The following SLC13A2 variants were observed in gnomAD, a reference collection of about 807,000 sequenced individuals.
SLC13A2 encodes Na(+)-coupled citrate transporter.
SLC13A2 carries 40 observed loss-of-function variants against 58.5 expected under a neutral mutation model. The ratio of observed to expected loss-of-function variants is 0.68; its 90% CI spans 0.53 to 0.89. SLC13A2 has a LOEUF of 0.89. Ranked by LOEUF, SLC13A2 falls within the 40% of genes least tolerant of loss-of-function variation. SLC13A2 has a pLI of 0.00. For missense variants in SLC13A2, 694 were observed against 772.6 expected (o/e 0.90, Z 1.21); for synonymous variants, 341 against 331.6 (o/e 1.03, Z -0.31).
At chr17:28,490,931 G>A in intron 4 of SLC13A2, 25 bp downstream of exon 4, 1 of 1,584,824 alleles carries the variant, frequency 6.3e-7, no homozygotes, top group Non-Finnish European at 8.6e-7. Flanking sequence ...GCTAGACTCT[G>A]CCCCAACCCC....
intron 1 of SLC13A2, among the ~76,000 whole-genome samples, chr17:28,474,308 AG>A (rs1320680620): frequency 6.6e-6 from 1 of 152,024 alleles, no homozygotes; most frequent in African/African-American, 2.4e-5. Context: ...TGTGGATTCA[AG>A]GGCTAAGTCT....
chr17:28,474,952 C>T (rs2068645624), intron 1 of SLC13A2, among the ~76,000 whole-genome samples: 1 of 152,190 alleles, frequency 6.6e-6, no homozygotes, highest in African/African-American at 2.4e-5. Flanking sequence ...GGGTGAGAGA[C>T]TGGGGGTGAT....
intron 10 of SLC13A2, 80 bp downstream of exon 10, chr17:28,495,896 A>G: frequency 2.7e-6 from 4 of 1,488,426 alleles, no homozygotes; most frequent in Non-Finnish European, 3.7e-6. Context: ...TGGGCAGAGT[A>G]TCCTGTCTTT....
At chr17:28,475,739 T>C (rs1183595403) in intron 1 of SLC13A2, among the ~76,000 whole-genome samples, 2 of 152,310 alleles carry the variant, frequency 1.3e-5, no homozygotes, top group South Asian at 2.1e-4. Flanking sequence ...TGCCGTGCTG[T>C]CTTCTCTTGG....
intron 6 of SLC13A2, 44 bp downstream of exon 6, chr17:28,491,896 A>G (rs2069035303): frequency 6.3e-7 from 1 of 1,591,368 alleles, no homozygotes; most frequent in Non-Finnish European, 8.6e-7. Flanking sequence ...CCCTGCCCTT[A>G]GCCCTGGGAG....
chr17:28,493,010 T>A (rs2069059182), intron 6 of SLC13A2, among the ~76,000 whole-genome samples: 2 of 151,830 alleles, frequency 1.3e-5, no homozygotes, highest in African/African-American at 4.8e-5. Context: ...CACAGGGGAG[T>A]CAAAGATGTG....
intron 1 of SLC13A2, among the ~76,000 whole-genome samples, chr17:28,480,662 G>C (rs1555600917): frequency 1.3e-5 from 2 of 152,144 alleles, no homozygotes; most frequent in African/African-American, 4.8e-5. Context: ...CATATACGTA[G>C]AGTACCTGGC....
chr17:28,477,186 GTTTTTTGTTTTT>G (rs1211753210), intron 1 of SLC13A2, among the ~76,000 whole-genome samples: 1 of 119,428 alleles, frequency 8.4e-6, no homozygotes, highest in Non-Finnish European at 1.7e-5. Flanking sequence ...AAACACCCAA[GTTTTTTGTTTTT>G]TTTTTTTTTT....
At chr17:28,476,092 A>G (rs1436236529) in intron 1 of SLC13A2, among the ~76,000 whole-genome samples, 3 of 152,092 alleles carry the variant, frequency 2.0e-5, no homozygotes, top group African/African-American at 7.2e-5. Context: ...AAATGCTTCA[A>G]CCATCTACCT....
Position 28,496,520 on chromosome 17 carries a change from T to G in SLC13A2, c.1541T>G (p.Met514Arg), listed in dbSNP as rs2069146801. 1 of 1,613,706 alleles carries G rather than the reference T, an allele frequency of 6.2e-7. No individual in the cohort carries two copies. Among genetic ancestry groups the G allele is most frequent in the South Asian group, 1.1e-5 (1 of 90,982 alleles). Reference protein sequence around the residue: ...PCTLATSLAFMLPVATPPNAI... With the variant: ...PCTLATSLAFRLPVATPPNAI... ...ACTCTGGCCACCTCCCTGGCCTTCA[T>G]GTTGCCTGTGGCCACCCCGCCCAAT... Residue 514 changes from methionine to arginine, a missense_variant, in exon 11 of 12, where the codon ATG becomes AGG. Met to Arg is a moderately conservative substitution (Grantham distance 91). Transcript: ENST00000314669. This position sits in a 1 kb window ranked among gnomAD's most constrained non-coding sequence, Gnocchi z 4.2.
Position 28,497,423 on chromosome 17 carries a change from G to T in SLC13A2, c.*154G>T, listed in dbSNP as rs1451322242. 3 of 790,164 alleles carry T rather than the reference G, an allele frequency of 3.8e-6. No homozygotes were observed. Among genetic ancestry groups the T allele is most frequent in the Admixed American group, 2.8e-5 (1 of 35,172 alleles). The allele number at this position is 790,164 out of a possible 1,614,324, so 48.9% of individuals were successfully genotyped here. A position where few individuals can be genotyped will look rare whatever the true frequency, so the allele number is the denominator to read the frequency against. The stretch of plus-strand genomic sequence containing the variant: ...TCTCTTGCGTGTCTGTAAGGAAGGG[G>T]TGTATGCTCAGTTTCCTATGTGCTG... On this transcript the variant is annotated 3_prime_UTR_variant, in exon 12 of 12. Transcript: ENST00000314669.
intron 1 of SLC13A2, 136 bp from the exon 2 acceptor site, chr17:28,489,078 G>A: frequency 1.0e-6 from 1 of 987,260 alleles, no homozygotes; most frequent in Non-Finnish European, 1.5e-6. Flanking sequence ...CCTTGGGCTT[G>A]GGAATCAATG....
Position 28,477,463 on chromosome 17 carries a change from G to A in SLC13A2, c.102+3649G>A, listed in dbSNP as rs182728487. Among the ~76,000 whole-genome samples the A allele has an allele frequency of 2.5e-3, 379 of 151,848 alleles. 2 individuals are homozygous for A. The highest frequency in any genetic ancestry group is 8.7e-3 in the African/African-American group (362 of 41,528). ...CCCGCCTTGGCCTCCCAAAGTGCTG[G>A]GATTACAGGCGTGAGCCACCATGCC... On this transcript the variant is annotated intron_variant, in intron 1 of 11. Transcript: ENST00000314669.
chr17:28,490,269 G>T, intron 2 of SLC13A2, 185 bp from the exon 3 acceptor site: 1 of 1,532,580 alleles, frequency 6.5e-7, no homozygotes, highest in Admixed American at 2.0e-5. Flanking sequence ...GCCAGACCCT[G>T]TCTCCAAAAA....
intron 1 of SLC13A2, 65 bp from the exon 2 acceptor site, chr17:28,489,149 A>T: frequency 6.4e-7 from 1 of 1,574,378 alleles, no homozygotes; most frequent in African/African-American, 1.3e-5. Flanking sequence ...TCTGACAGAC[A>T]GGAGGTGGCA....
chr17:28,489,174 A>G, intron 1 of SLC13A2, 40 bp from the exon 2 acceptor site: 1 of 1,606,066 alleles, frequency 6.2e-7, no homozygotes, highest in Non-Finnish European at 8.5e-7. Context: ...TCTGGGACAC[A>G]GGCCCTCTGA....
chr17:28,497,050 G>A, intron 11 of SLC13A2, 49 bp from the exon 12 acceptor site: 3 of 1,583,526 alleles, frequency 1.9e-6, no homozygotes, highest in Non-Finnish European at 2.6e-6. Context: ...GGACTTGGGG[G>A]CAGTCCAGCC....
intron 9 of SLC13A2, 123 bp from the exon 10 acceptor site, chr17:28,495,532 G>A: frequency 1.0e-6 from 1 of 961,268 alleles, no homozygotes; most frequent in South Asian, 1.6e-5. Flanking sequence ...TCCCTTTAGA[G>A]CTGTCTTTGA....
intron 9 of SLC13A2, among the ~76,000 whole-genome samples, chr17:28,495,193 G>A (rs1220861029): frequency 6.6e-6 from 1 of 152,160 alleles, no homozygotes; most frequent in Non-Finnish European, 1.5e-5. Flanking sequence ...CTGACCCTGT[G>A]GACTGTCCCT....
Sources: gnomAD v4.1 joint callset for allele counts (sites outside exome capture counted in the v4.1 genomes callset) on GRCh38, gnomAD v4.1.1 for gene constraint, Gnocchi (gnomAD v3.1) non-coding constraint, MANE v1.5 for transcripts, NCBI Gene and HGNC (gene_info 2026-07-23, HGNC 2026-07-21) for gene names.